Variants in ARL15 observed in about 807,000 individuals in gnomAD.
ARL15 encodes ADP-ribosylation factor-like protein 15.
ARL15 carries 19 observed loss-of-function variants against 25.2 expected under a neutral mutation model. The observed-to-expected ratio is 0.75, with a 90% confidence interval of 0.53 to 1.10. The LOEUF (loss-of-function observed/expected upper bound fraction) is 1.10, where lower values mean the gene tolerates loss of function less well. ARL15 is among the 50% of genes least tolerant of loss of function. ARL15 has a pLI of 0.00. For missense variants in ARL15, 220 were observed against 246.0 expected (o/e 0.89, Z 0.71); for synonymous variants, 94 against 86.8 (o/e 1.08, Z -0.46).
intron 4 of ARL15, among the ~76,000 whole-genome samples, chr5:54,033,479 C>T (rs1179229729): frequency 6.6e-6 from 1 of 151,846 alleles, no homozygotes; most frequent in East Asian, 1.9e-4. Context: ...ACCAGCCTGA[C>T]CAACATGGTG....
chr5:54,070,806 C>A (rs980763405), intron 4 of ARL15, among the ~76,000 whole-genome samples: 2 of 151,870 alleles, frequency 1.3e-5, no homozygotes, highest in Non-Finnish European at 2.9e-5. Flanking sequence ...GATCACAGAG[C>A]CACTGCAATC....
At chr5:54,294,099 G>C (rs1012853442) in intron 1 of ARL15, among the ~76,000 whole-genome samples, 2 of 152,140 alleles carry the variant, frequency 1.3e-5, no homozygotes, top group Non-Finnish European at 2.9e-5. Context: ...TTCTTTAAAG[G>C]TTCTCCCCAA....
At chr5:53,999,778 C>T (rs1320380497) in intron 4 of ARL15, among the ~76,000 whole-genome samples, 3 of 151,914 alleles carry the variant, frequency 2.0e-5, no homozygotes, top group African/African-American at 7.3e-5. Context: ...TGCCTGTAAT[C>T]TCAGCTACTC....
chr5:54,185,637 T>A (rs1237768886), intron 1 of ARL15, among the ~76,000 whole-genome samples: 1 of 152,186 alleles, frequency 6.6e-6, no homozygotes, highest in Non-Finnish European at 1.5e-5. Flanking sequence ...TCAGGACAAG[T>A]TACTTCACTG....
intron 4 of ARL15, among the ~76,000 whole-genome samples, chr5:54,073,282 T>G (rs1751481820): frequency 6.6e-6 from 1 of 152,188 alleles, no homozygotes; most frequent in Non-Finnish European, 1.5e-5. Context: ...TTTTAAAATG[T>G]CAAGGGCTCA....
chr5:54,123,582 A>G (rs1276149922), intron 3 of ARL15, among the ~76,000 whole-genome samples: 1 of 152,212 alleles, frequency 6.6e-6, no homozygotes, highest in Non-Finnish European at 1.5e-5. Flanking sequence ...ATTCGAAATG[A>G]ATAGTTTCTA....
chr5:54,036,745 T>C (rs1008037041), intron 4 of ARL15, among the ~76,000 whole-genome samples: 1 of 152,194 alleles, frequency 6.6e-6, no homozygotes, highest in African/African-American at 2.4e-5. Context: ...TGACTAATTT[T>C]TTAAAGTCCA....
intron 1 of ARL15, among the ~76,000 whole-genome samples, chr5:54,306,798 A>G (rs1758768951): frequency 6.6e-6 from 1 of 152,242 alleles, no homozygotes; most frequent in African/African-American, 2.4e-5. Flanking sequence ...AGTACAACCA[A>G]TTCTACCACT....
intron 4 of ARL15, among the ~76,000 whole-genome samples, chr5:53,941,822 G>C (rs1215398012): frequency 6.6e-6 from 1 of 151,912 alleles, no homozygotes; most frequent in Non-Finnish European, 1.5e-5. Flanking sequence ...ACCTAATAGA[G>C]GGCCCACCTC....
At chr5:54,270,497 A>G (rs771736042) in intron 1 of ARL15, among the ~76,000 whole-genome samples, 4 of 152,234 alleles carry the variant, frequency 2.6e-5, no homozygotes, top group African/African-American at 9.6e-5. Context: ...GGGCATGTGT[A>G]TCCTGGTTTC....
intron 4 of ARL15, among the ~76,000 whole-genome samples, chr5:53,996,084 G>A (rs538085320): frequency 4.6e-5 from 7 of 152,276 alleles, no homozygotes; most frequent in South Asian, 4.2e-4. Flanking sequence ...TTCTTCAGAG[G>A]AGGATGTTCA....
intron 4 of ARL15, among the ~76,000 whole-genome samples, chr5:54,094,136 C>G (rs906033027): frequency 6.6e-6 from 1 of 152,146 alleles, no homozygotes; most frequent in Non-Finnish European, 1.5e-5. Context: ...CATTTACCAC[C>G]TGCTTAGCAA....
intron 4 of ARL15, among the ~76,000 whole-genome samples, chr5:54,099,275 A>C (rs1053643571): frequency 3.3e-5 from 5 of 152,198 alleles, no homozygotes; most frequent in African/African-American, 1.2e-4. Context: ...TATATCTGGA[A>C]CATCTTAAAG....
chr5:54,221,033 A>C lies in ARL15; in HGVS notation c.49-49105T>G, dbSNP rs1163474019. 4.6e-5 allele frequency among the ~76,000 whole-genome samples: 7 copies of C among 152,206 alleles called. No homozygotes were observed. The East Asian group carries it at 1.4e-3, about 29-fold the overall frequency. ...GACATTTTCTTTCTGCCGAAAGTCT[A>C]ATTTCTCTTTCCCCAAATTGCTTCA... On this transcript the variant is annotated intron_variant, in intron 1 of 4. Coordinates refer to ENST00000504924, the MANE Select transcript of ARL15 (RefSeq NM_019087.3).
At chr5:54,236,172 T>C (rs1045619947) in intron 1 of ARL15, among the ~76,000 whole-genome samples, 5 of 152,220 alleles carry the variant, frequency 3.3e-5, no homozygotes, top group African/African-American at 1.2e-4. Flanking sequence ...CAGAGATAGC[T>C]ACTCCTTCCA....
chr5:54,123,461 A>G (rs893216703), intron 3 of ARL15, among the ~76,000 whole-genome samples: 1 of 152,134 alleles, frequency 6.6e-6, no homozygotes, highest in Non-Finnish European at 1.5e-5. Context: ...GCTTCTTTCT[A>G]AAGCGGTACA....
At chr5:53,905,858 T>G (rs1319000487) in intron 4 of ARL15, among the ~76,000 whole-genome samples, 1 of 152,232 alleles carries the variant, frequency 6.6e-6, no homozygotes, top group Non-Finnish European at 1.5e-5. Flanking sequence ...TAAATGGCAT[T>G]TGCCTCTATG....
At position 53,884,755 on chromosome 5, in the gene ARL15, A is replaced by G. The variant is rs1490289839; in HGVS notation, c.*1806T>C. 3 of 152,500 alleles carry G rather than the reference A, an allele frequency of 2.0e-5. No individual in the cohort carries two copies. The highest frequency in any genetic ancestry group is 2.9e-5 in the Non-Finnish European group (2 of 68,036). 9.4% of individuals were successfully genotyped at this position (152,500 alleles called of 1,614,324 possible). A position where few individuals can be genotyped will look rare whatever the true frequency, so the allele number is the denominator to read the frequency against. On this transcript the variant is annotated 3_prime_UTR_variant, in exon 5 of 5. Transcript: ENST00000504924. Reference sequence around the variant, plus strand: ...CGGTGTCTTAAAAAGACAACATTCTACATTTAATGAACTTGCAGGGAAAGC... The same window carrying G: ...CGGTGTCTTAAAAAGACAACATTCTGCATTTAATGAACTTGCAGGGAAAGC...
chr5:54,257,547 T>C (rs1158899747), intron 1 of ARL15, among the ~76,000 whole-genome samples: 1 of 152,224 alleles, frequency 6.6e-6, no homozygotes, highest in Non-Finnish European at 1.5e-5. Flanking sequence ...TCTGAGGTGC[T>C]ATGAATCAGG....
Sources: gnomAD v4.1 joint callset for allele counts (sites outside exome capture counted in the v4.1 genomes callset) on GRCh38, gnomAD v4.1.1 for gene constraint, MANE v1.5 for transcripts, NCBI Gene and HGNC (gene_info 2026-07-23, HGNC 2026-07-21) for gene names.